SLC20A2: variants seen among roughly 807,000 people sequenced by gnomAD.
SLC20A2 encodes the protein solute carrier family 20 member 2.
SLC20A2 carries 30 observed loss-of-function variants against 61.0 expected under a neutral mutation model. That is an observed-to-expected ratio of 0.49 (90% CI 0.37 to 0.67). The LOEUF (loss-of-function observed/expected upper bound fraction) is 0.67, where lower values mean the gene tolerates loss of function less well. Ranked by LOEUF, SLC20A2 falls within the 30% of genes least tolerant of loss-of-function variation. The pLI, the probability that SLC20A2 is intolerant of heterozygous loss-of-function variation, is 0.00. For synonymous variants in SLC20A2, 351 were observed against 353.3 expected (o/e 0.99, Z 0.07); for missense variants, 626 against 866.4 (o/e 0.72, Z 3.48).
chr8:42,440,573 T>C (rs1804697195), intron 6 of SLC20A2, among the ~76,000 whole-genome samples: 1 of 152,206 alleles, frequency 6.6e-6, no homozygotes, highest in African/African-American at 2.4e-5. Context: ...AAAGGTGCTA[T>C]AAACATTCAT....
rs1244022446 is a variant in SLC20A2, at chr8:42,540,130, A to G, written c.-265+1691T>C. Among the ~76,000 whole-genome samples, 6 of 152,094 alleles carry G rather than the reference A, an allele frequency of 3.9e-5. No homozygotes were observed. In the East Asian group the frequency reaches 1.2e-3, roughly 29 times the overall value. ...AACATGGTGAAACTCCGTCTCTACT[A>G]AAAATACAAAACTTAGCTGGGCGTG... On this transcript the variant is annotated intron_variant, in intron 1 of 10. Coordinates refer to the SLC20A2 transcript ENST00000342228.
chr8:42,443,266 TATATATATATATATATA>T lies in SLC20A2; in HGVS notation c.730+1363_730+1379del, dbSNP rs1804931422. On this transcript the variant is annotated intron_variant, in intron 6 of 10. Transcript: ENST00000520262. ...TAATAATACAATTATTATTATAGGA[TATATATATATATATATA>T]TATATATATATATATATATATATAT... 1.5e-3 allele frequency among the ~76,000 whole-genome samples: 136 copies of T among 93,434 alleles called. 3 individuals are homozygous for T. In the East Asian group the frequency reaches 0.016, roughly 11 times the overall value. The allele number at this position is 93,434 out of a possible 152,430, so 61.3% of individuals were successfully genotyped here.
chr8:42,504,930 AGAT>A (rs992447174), upstream of SLC20A2, among the ~76,000 whole-genome samples: 3 of 147,894 alleles, frequency 2.0e-5, no homozygotes, highest in Non-Finnish European at 3.0e-5. Flanking sequence ...ACAGATACAG[AGAT>A]GAAAGACAAG....
chr8:42,425,328 CACTT>C (rs1377839453), intron 10 of SLC20A2, among the ~76,000 whole-genome samples: 2 of 152,208 alleles, frequency 1.3e-5, no homozygotes, highest in African/African-American at 4.8e-5. Context: ...TTCACAGTCT[CACTT>C]ACAGAGGGCC....
intron 1 of SLC20A2, among the ~76,000 whole-genome samples, chr8:42,500,626 T>C (rs1045936475): frequency 1.3e-5 from 2 of 152,250 alleles, no homozygotes; most frequent in African/African-American, 4.8e-5. Context: ...CAAAATAAAC[T>C]TGTAGCACAG....
At chr8:42,431,208 T>C (rs1289742895) in intron 8 of SLC20A2, among the ~76,000 whole-genome samples, 3 of 152,232 alleles carry the variant, frequency 2.0e-5, no homozygotes, top group Non-Finnish European at 4.4e-5. Context: ...AAGGGAAAGC[T>C]TCTTGAAGGA....
rs1586278653 is a variant in SLC20A2, at chr8:42,528,984, TTA to T, written c.-265+12835_-265+12836del. On this transcript the variant is annotated intron_variant, in intron 1 of 10. Transcript: ENST00000342228. The stretch of plus-strand genomic sequence containing the variant: ...GCCCGGCCTATTATTATTATTATTA[TTA>T]TTTTTTGAGACAGGGTCTTACCCTG... Among the ~76,000 whole-genome samples the T allele has an allele frequency of 4.7e-5, 7 of 150,260 alleles. No homozygotes were observed. In the East Asian group the frequency reaches 7.9e-4, roughly 17 times the overall value.
chr8:42,497,852 C>T (rs1014482323), intron 1 of SLC20A2, among the ~76,000 whole-genome samples: 1 of 151,950 alleles, frequency 6.6e-6, no homozygotes, highest in Non-Finnish European at 1.5e-5. Context: ...CCACGCAGGC[C>T]GCTCATGTTA....
intron 5 of SLC20A2, among the ~76,000 whole-genome samples, chr8:42,459,250 A>T (rs1446570855): frequency 1.3e-5 from 2 of 151,204 alleles, no homozygotes; most frequent in African/African-American, 2.4e-5. Flanking sequence ...AAAAAAAAAA[A>T]AAAAAAAAAC....
chr8:42,485,999 T>C (rs374723690), intron 1 of SLC20A2, among the ~76,000 whole-genome samples: 7 of 151,630 alleles, frequency 4.6e-5, no homozygotes, highest in African/African-American at 1.7e-4. Context: ...AAGGTCAGCA[T>C]AGAGCTTTCT....
At chr8:42,473,594 T>C (rs993680666) in intron 1 of SLC20A2, among the ~76,000 whole-genome samples, 5 of 152,142 alleles carry the variant, frequency 3.3e-5, no homozygotes, top group African/African-American at 1.2e-4. Context: ...CCCTCCCCCA[T>C]GCCACTGTTC....
intron 10 of SLC20A2, 92 bp downstream of exon 10, chr8:42,428,666 A>G (rs1316458692): frequency 5.4e-6 from 6 of 1,107,034 alleles, no homozygotes; most frequent in African/African-American, 3.2e-5. Flanking sequence ...ACAACCATCT[A>G]CAGAGCCCTA....
At chr8:42,467,175 A>G (rs1392586555) in intron 2 of SLC20A2, among the ~76,000 whole-genome samples, 1 of 152,136 alleles carries the variant, frequency 6.6e-6, no homozygotes, top group African/African-American at 2.4e-5. Context: ...TATTTAACCC[A>G]AATTTGGGCA....
At chr8:42,422,999 T>C (rs2130929018) in intron 10 of SLC20A2, among the ~76,000 whole-genome samples, 1 of 152,300 alleles carries the variant, frequency 6.6e-6, no homozygotes, top group Non-Finnish European at 1.5e-5. Flanking sequence ...ATTCTTACTG[T>C]CCTGGACTTT....
At chr8:42,447,612 A>C (rs1805328210) in intron 5 of SLC20A2, among the ~76,000 whole-genome samples, 1 of 150,526 alleles carries the variant, frequency 6.6e-6, no homozygotes. Context: ...CGGAAGGTGG[A>C]GCTGCAGTGA....
intron 2 of SLC20A2, among the ~76,000 whole-genome samples, chr8:42,466,560 G>T (rs768713723): frequency 6.6e-6 from 1 of 152,212 alleles, no homozygotes; most frequent in Non-Finnish European, 1.5e-5. Context: ...ATTGGGAAAA[G>T]ATTTTGTTGT....
chr8:42,460,728 T>C (rs1336885263), intron 4 of SLC20A2, among the ~76,000 whole-genome samples: 2 of 152,202 alleles, frequency 1.3e-5, no homozygotes, highest in Non-Finnish European at 2.9e-5. Flanking sequence ...TTAAATAACA[T>C]CTAAGAGAAT....
chr8:42,458,942 C>G (rs1284218200), intron 5 of SLC20A2, among the ~76,000 whole-genome samples: 1 of 119,174 alleles, frequency 8.4e-6, no homozygotes, highest in Non-Finnish European at 1.8e-5. Context: ...AATTTTTAAC[C>G]CCCCCCCCCA....
intron 1 of SLC20A2, among the ~76,000 whole-genome samples, chr8:42,536,192 C>G (rs1394940189): frequency 6.6e-6 from 1 of 152,192 alleles, no homozygotes; most frequent in Admixed American, 6.5e-5. Flanking sequence ...TTACAAGTTT[C>G]TTTTATGCAG....
Sources: allele counts gnomAD v4.1 joint callset (sites outside exome capture counted in the v4.1 genomes callset), GRCh38; gene constraint gnomAD v4.1.1; transcripts MANE v1.5; gene names NCBI Gene and HGNC (gene_info 2026-07-23, HGNC 2026-07-21).